NEDD4: variants seen among roughly 807,000 people sequenced by gnomAD.
The protein encoded by NEDD4 is NEDD4 E3 ubiquitin protein ligase, also known as E3 ubiquitin-protein ligase NEDD4.
NEDD4 carries 99 observed loss-of-function variants against 144.9 expected under a neutral mutation model. The observed-to-expected ratio is 0.68, with a 90% CI of 0.58 to 0.81. The LOEUF (loss-of-function observed/expected upper bound fraction) is 0.81, where lower values mean the gene tolerates loss of function less well. NEDD4 is among the 30% of genes least tolerant of loss of function. NEDD4 has a pLI of 0.00. For synonymous variants in NEDD4, 318 were observed against 350.6 expected (o/e 0.91, Z 1.04); for missense variants, 985 against 1,065.9 (o/e 0.92, Z 1.06).
At chr15:55,856,434 A>G (rs2034198609) in intron 11 of NEDD4, among the ~76,000 whole-genome samples, 1 of 152,150 alleles carries the variant, frequency 6.6e-6, no homozygotes, top group Non-Finnish European at 1.5e-5. Context: ...CTTCTCTTGA[A>G]TGTTTCACAG....
chr15:55,886,894 T>C (rs1357825828), intron 5 of NEDD4, among the ~76,000 whole-genome samples: 1 of 152,030 alleles, frequency 6.6e-6, no homozygotes, highest in Non-Finnish European at 1.5e-5. Flanking sequence ...CCTGAATGAA[T>C]GAACAGTGGG....
chr15:55,841,732 T>C (rs2033513978), intron 19 of NEDD4, among the ~76,000 whole-genome samples: 1 of 152,072 alleles, frequency 6.6e-6, no homozygotes, highest in South Asian at 2.1e-4. Flanking sequence ...CCACCACGCC[T>C]GGGTAAGTTT....
intron 1 of NEDD4, among the ~76,000 whole-genome samples, chr15:55,993,305 C>G (rs80256079): frequency 0.052 from 7,986 of 152,190 alleles, 259 homozygotes; most frequent in East Asian, 0.15. Context: ...ACCCGACAAG[C>G]TTGCTCCCTC....
At chr15:55,954,316 A>G (rs2037298209) in intron 2 of NEDD4, among the ~76,000 whole-genome samples, 1 of 152,180 alleles carries the variant, frequency 6.6e-6, no homozygotes, top group South Asian at 2.1e-4. Flanking sequence ...ACTATCTGCC[A>G]GTTAAATACT....
intron 5 of NEDD4, chr15:55,916,794 C>T: frequency 6.2e-7 from 1 of 1,609,474 alleles, no homozygotes; most frequent in Non-Finnish European, 8.5e-7. Flanking sequence ...AGTATTGCTT[C>T]TTCTGGCTGC....
chr15:55,966,959 C>A (rs750455014), intron 1 of NEDD4, among the ~76,000 whole-genome samples: 19 of 152,174 alleles, frequency 1.2e-4, no homozygotes, highest in Non-Finnish European at 2.5e-4. Context: ...GTGATCCTGG[C>A]TCACTGTAAC....
chr15:55,860,072 G>GTCTT (rs1402200221), intron 11 of NEDD4, among the ~76,000 whole-genome samples: 1 of 152,264 alleles, frequency 6.6e-6, no homozygotes, highest in East Asian at 1.9e-4. Flanking sequence ...AATCCCTGAA[G>GTCTT]TCTTTTCTAA....
At chr15:55,880,697 G>C (rs1246604231) in intron 5 of NEDD4, among the ~76,000 whole-genome samples, 1 of 152,116 alleles carries the variant, frequency 6.6e-6, no homozygotes, top group Non-Finnish European at 1.5e-5. Context: ...GGGAAAGGAA[G>C]TCTCAGAGTA....
chr15:55,871,961 T>C (rs1273075075), intron 7 of NEDD4, among the ~76,000 whole-genome samples: 1 of 152,158 alleles, frequency 6.6e-6, no homozygotes, highest in Non-Finnish European at 1.5e-5. Context: ...AGCATGCTAT[T>C]TGGGTTTTAA....
intron 15 of NEDD4, 78 bp from the exon 16 acceptor site, chr15:55,848,653 G>A: frequency 7.4e-7 from 1 of 1,355,682 alleles, no homozygotes; most frequent in Non-Finnish European, 1.1e-6. Flanking sequence ...CTGGTTGTAT[G>A]GTTAATTTAA....
intron 5 of NEDD4, among the ~76,000 whole-genome samples, chr15:55,885,534 A>T (rs866277295): frequency 3.3e-4 from 50 of 151,412 alleles, no homozygotes; most frequent in African/African-American, 9.4e-4. Flanking sequence ...AAATAGAAAT[A>T]AAAAAAAAGC....
intron 5 of NEDD4, among the ~76,000 whole-genome samples, chr15:55,880,158 G>A (rs2035134186): frequency 6.6e-6 from 1 of 152,112 alleles, no homozygotes; most frequent in South Asian, 2.1e-4. Context: ...AGGGCATAGT[G>A]GTACATGCCT....
intron 5 of NEDD4, among the ~76,000 whole-genome samples, chr15:55,876,290 T>C (rs868192703): frequency 6.6e-6 from 1 of 151,534 alleles, no homozygotes; most frequent in Non-Finnish European, 1.5e-5. Context: ...TGGCACCAGA[T>C]AGAAATTCAG....
intron 5 of NEDD4, among the ~76,000 whole-genome samples, chr15:55,899,716 G>C (rs2035852737): frequency 6.6e-6 from 1 of 152,158 alleles, no homozygotes; most frequent in South Asian, 2.1e-4. Context: ...TAATGTTCTA[G>C]GGGAACCCTG....
intron 5 of NEDD4, among the ~76,000 whole-genome samples, chr15:55,886,005 G>GAA (rs1416899132): frequency 2.1e-4 from 32 of 151,700 alleles, no homozygotes; most frequent in African/African-American, 7.5e-4. Context: ...CAAAGGGATG[G>GAA]AAAAAGGTAC....
intron 12 of NEDD4, among the ~76,000 whole-genome samples, chr15:55,854,029 G>A (rs1367075041): frequency 6.6e-6 from 1 of 152,058 alleles, no homozygotes; most frequent in African/African-American, 2.4e-5. Flanking sequence ...GTGCACGTCT[G>A]TAGTCCAGCT....
At chr15:55,942,546 TTAGATGAGCC>T (rs1296767222) in intron 4 of NEDD4, among the ~76,000 whole-genome samples, 1 of 152,158 alleles carries the variant, frequency 6.6e-6, no homozygotes, top group African/African-American at 2.4e-5. Context: ...TCTGGCCATG[TTAGATGAGCC>T]TGCTTCCCCT....
intron 1 of NEDD4, among the ~76,000 whole-genome samples, chr15:55,971,967 A>G (rs555525951): frequency 1.6e-4 from 24 of 152,366 alleles, no homozygotes; most frequent in African/African-American, 5.8e-4. Context: ...AGACAGTGGC[A>G]TGATTTATTT....
At chr15:55,924,446 T>C (rs2036625176) in intron 5 of NEDD4, 200 bp downstream of exon 5, 4 of 552,016 alleles carry the variant, frequency 7.2e-6, no homozygotes, top group Admixed American at 6.1e-5. Context: ...TCAGAAGAGG[T>C]GCTTGGGAGG....
Sources: gnomAD v4.1 joint callset for allele counts (sites outside exome capture counted in the v4.1 genomes callset) on GRCh38, gnomAD v4.1.1 for gene constraint, MANE v1.5 for transcripts, NCBI Gene and HGNC (gene_info 2026-07-23, HGNC 2026-07-21) for gene names.